The following TSNAXIP1 variants were observed in gnomAD, a reference collection of about 807,000 sequenced individuals.
TSNAXIP1 encodes translin associated factor X interacting protein 1.
A neutral mutation model predicts 84.8 loss-of-function variants in TSNAXIP1; 89 were observed. That is an observed-to-expected ratio of 1.05 (90% CI 0.88 to 1.25). The LOEUF is 1.25. Ranked by LOEUF, TSNAXIP1 falls within the 50% of genes most tolerant of loss-of-function variation. The pLI is 0.00. For synonymous variants in TSNAXIP1, 347 were observed against 335.2 expected (o/e 1.04, Z -0.39); for missense variants, 874 against 887.6 (o/e 0.98, Z 0.20).
chr16:67,827,802 G>A lies in TSNAXIP1; in HGVS notation c.1948G>A (p.Asp650Asn), dbSNP rs774463679. 2.0e-5 allele frequency: 33 copies of A among 1,613,962 alleles called. No homozygotes were observed. Among genetic ancestry groups the A allele is most frequent in the Admixed American group, 5.0e-5 (3 of 59,978 alleles). Residue 650 changes from aspartate to asparagine, a missense_variant, in exon 16 of 16, where the codon GAC becomes AAC. By Grantham distance (23) the Asp-to-Asn change is conservative. Coordinates refer to ENST00000561639, the MANE Select transcript of TSNAXIP1 (RefSeq NM_001288990.3). ...PKLRGGLMTI[D>N]PSLDKQTVNT... ...GCTGCGAGGGGGCCTGATGACCATC[G>A]ACCCCAGCCTGGACAAGCAGACAGT... is the stretch of plus-strand genomic sequence containing the variant.
chr16:67,827,126 G>A (rs1271226664), intron 13 of TSNAXIP1, 54 bp downstream of exon 13: 4 of 1,607,376 alleles, frequency 2.5e-6, no homozygotes, highest in Non-Finnish European at 3.4e-6. Flanking sequence ...TCCTGCATCT[G>A]TAGGGAAAAG....
chr16:67,810,594 G>C (rs1301419892), intron 1 of TSNAXIP1, among the ~76,000 whole-genome samples: 1 of 151,878 alleles, frequency 6.6e-6, no homozygotes, highest in African/African-American at 2.4e-5. Flanking sequence ...ACTCCTGCCT[G>C]GGCGACAGAG....
rs1031433539 is a variant in TSNAXIP1 at position 67,826,475 on chromosome 16, T to C, written c.1314T>C (p.Asp438=). The change falls in exon 11 of 16, where the codon GAT becomes GAC. Residue 438 remains aspartate, a synonymous_variant. Transcript: ENST00000561639. ...CCATCCCTGCTTTTCTTCGGTTTGA[T>C]GGCCTCGTGGAGAACAAGAAGCCAA... ...GEAIPAFLRF[D]GLVENKKPSK... 1 of 1,614,068 alleles carries C rather than the reference T, an allele frequency of 6.2e-7. No individual in the cohort carries two copies. Among genetic ancestry groups the C allele is most frequent in the Non-Finnish European group, 8.5e-7 (1 of 1,180,020 alleles).
intron 1 of TSNAXIP1, among the ~76,000 whole-genome samples, chr16:67,812,499 C>A (rs1209416953): frequency 6.6e-6 from 1 of 150,544 alleles, no homozygotes; most frequent in Admixed American, 6.6e-5. Context: ...AACTCTATCT[C>A]TACTAAAAAT....
In TSNAXIP1 at chr16:67,814,306, C is replaced by T. The variant is rs781755902; in HGVS notation, c.52C>T (p.Gln18Ter). 8.5e-6 allele frequency: 13 copies of T among 1,535,858 alleles called. No homozygotes were observed. The South Asian group carries it at 1.5e-4, about 18-fold the overall frequency. The change falls in exon 2 of 16, where the codon CAG becomes TAG. Residue 18 changes from glutamine (Q) to a stop codon, truncating the protein, a stop_gained. Coordinates refer to ENST00000561639, the MANE Select transcript of TSNAXIP1 (RefSeq NM_001288990.3). LOFTEE classifies it high-confidence loss of function. ...YHSFSSASRL[Q>*]PRPSGVTIDE... ...AGCTTTCCCTTCTCTGTGCAGATTA[C>T]AGCCACGGCCTTCAGGAGTGACCAT...
chr16:67,814,229 T>C, intron 1 of TSNAXIP1, 73 bp from the exon 2 acceptor site: 1 of 1,227,374 alleles, frequency 8.1e-7, no homozygotes, highest in East Asian at 2.5e-5. Context: ...GCCTTGTGGA[T>C]CTAGAAAGGA....
At position 67,826,058 on chromosome 16, in the gene TSNAXIP1, G is replaced by T; in HGVS notation, c.1126G>T (p.Asp376Tyr). ...CCAGCGCACTTCCACGCCGCGGCCT[G>T]ACTGGACCAAGTGCAAAGGTGAGGG... is the stretch of plus-strand genomic sequence containing the variant. ...EIQRTSTPRP[D>Y]WTKCKDVVAG... The change falls in exon 9 of 16, where the codon GAC (aspartate) becomes TAC (tyrosine). Residue 376 changes from aspartate to tyrosine, a missense_variant. Coordinates refer to ENST00000561639, the MANE Select transcript of TSNAXIP1 (RefSeq NM_001288990.3). 6.2e-7 allele frequency: 1 copy of T among 1,613,580 alleles called. No homozygotes were observed. The highest frequency in any genetic ancestry group is 1.1e-5 in the South Asian group (1 of 91,078).
In TSNAXIP1 at chr16:67,825,869, G is replaced by C. The variant is rs1289268094; in HGVS notation, c.984+33G>C. The C allele has an allele frequency of 5.0e-6, 8 of 1,614,064 alleles. No individual in the cohort carries two copies. The East Asian group carries it at 1.8e-4, about 36-fold the overall frequency. ...CAGGCAGGCAGGGCCAGGAGGGTAG[G>C]ACGGGGTCTCACAGGTGGGGGGCCA... is the stretch of plus-strand genomic sequence containing the variant. On this transcript the variant is annotated intron_variant, in intron 8 of 15. Coordinates refer to ENST00000561639, the MANE Select transcript of TSNAXIP1 (RefSeq NM_001288990.3).
rs746698956 is a variant in TSNAXIP1 at position 67,821,218 on chromosome 16, G to A, written c.380G>A (p.Arg127Lys). ...DLGTDSTQEL[R>K]LQPYREIFEF... ...GGCACAGATTCCACCCAGGAACTAA[G>A]GCTGCAGGTCAGAGCCACAGAAGAA... is the stretch of plus-strand genomic sequence containing the variant. Residue 127 changes from arginine (R) to lysine (K), a missense_variant, in exon 4 of 16, where the codon AGG becomes AAG. Transcript: ENST00000561639. 2.5e-6 allele frequency: 4 copies of A among 1,608,232 alleles called. No homozygotes were observed. The highest frequency in any genetic ancestry group is 2.2e-5 in the East Asian group (1 of 44,746).
Position 67,823,694 on chromosome 16 carries a change from CA to C in TSNAXIP1, c.458del (p.Lys153ArgfsTer21). 6.2e-7 allele frequency: 1 copy of C among 1,613,644 alleles called. No homozygotes were observed. Among genetic ancestry groups the C allele is most frequent in the Non-Finnish European group, 8.5e-7 (1 of 1,179,788 alleles). ...CGTACAAGCCATTACTATCCTCCAT[CA>C]AGAATGCGTATGAGGGGATGCTGGG... ...KTYKPLLSSI[K>X]NAYEGMLAHQ... is the part of the protein sequence containing the mutation. On this transcript the variant is annotated frameshift_variant, in exon 5 of 16. Transcript: ENST00000561639. LOFTEE classifies it high-confidence loss of function.
chr16:67,807,068 G>C lies in TSNAXIP1; in HGVS notation c.-82G>C. On this transcript the variant is annotated 5_prime_UTR_variant, in exon 1 of 16. Coordinates refer to ENST00000561639, the MANE Select transcript of TSNAXIP1 (RefSeq NM_001288990.3). ...GCCCCCGCCGCGGGGGGGCCTCTGG[G>C]GCCTGGTCGCCATGGCGACCGGCTG... 1 of 1,512,646 alleles carries C rather than the reference G, an allele frequency of 6.6e-7. No homozygotes were observed. Among genetic ancestry groups the C allele is most frequent in the Middle Eastern group, 2.3e-4 (1 of 4,286 alleles). The allele number at this position is 1,512,646 out of a possible 1,614,324, so 93.7% of individuals were successfully genotyped here.
intron 6 of TSNAXIP1, 53 bp downstream of exon 6, chr16:67,824,832 A>C: frequency 6.4e-7 from 1 of 1,565,948 alleles, no homozygotes; most frequent in Non-Finnish European, 8.7e-7. Context: ...TGCCAACTCC[A>C]CGACAAGGGT....
intron 2 of TSNAXIP1, among the ~76,000 whole-genome samples, chr16:67,818,286 A>C (rs1254410374): frequency 4.6e-5 from 7 of 152,144 alleles, no homozygotes; most frequent in African/African-American, 1.7e-4. Context: ...AGGCCAAAGA[A>C]GGAAGACTGC....
chr16:67,807,121 G>C lies in TSNAXIP1; in HGVS notation c.-29G>C, dbSNP rs2055506227. 6.5e-7 allele frequency: 1 copy of C among 1,533,676 alleles called. No individual in the cohort carries two copies. Among genetic ancestry groups the C allele is most frequent in the Admixed American group, 2.0e-5 (1 of 50,958 alleles). ...CGCTACCACAGCTTCCCAGGCCGCG[G>C]GTGCTGATTGCCCGCCTGCCCGTGG... On this transcript the variant is annotated 5_prime_UTR_variant, in exon 1 of 16. Transcript: ENST00000561639.
At chr16:67,814,045 T>C (rs1033262799) in intron 1 of TSNAXIP1, among the ~76,000 whole-genome samples, 2 of 152,200 alleles carry the variant, frequency 1.3e-5, no homozygotes, top group African/African-American at 4.8e-5. Flanking sequence ...TGGGGTTCTC[T>C]GGGTTCATGG....
rs754205570 is a variant in TSNAXIP1, at chr16:67,825,251, A to G, written c.793A>G (p.Met265Val). Residue 265 changes from methionine (M) to valine (V), a missense_variant, in exon 7 of 16, where the codon ATG (methionine) becomes GTG (valine). Transcript: ENST00000561639. ...LNELRYQRED[M>V]SLAQSPGIWG... is the part of the protein sequence containing the mutation. ...TGAGCTGCGGTACCAGCGGGAGGAC[A>G]TGTCATTAGCCCAGTCGCCAGGTAA... 1.2e-6 allele frequency: 2 copies of G among 1,614,134 alleles called. No individual in the cohort carries two copies. Among genetic ancestry groups the G allele is most frequent in the East Asian group, 2.2e-5 (1 of 44,882 alleles).
At chr16:67,823,792 AG>A in intron 5 of TSNAXIP1, 73 bp downstream of exon 5, 2 of 1,298,198 alleles carry the variant, frequency 1.5e-6, no homozygotes, top group Non-Finnish European at 2.2e-6. Context: ...CCGAGGCGGT[AG>A]ATCACTTGAG....
chr16:67,810,598 G>A (rs1378858032), intron 1 of TSNAXIP1, among the ~76,000 whole-genome samples: 6 of 151,946 alleles, frequency 3.9e-5, no homozygotes, highest in Admixed American at 6.6e-5. Flanking sequence ...CTGCCTGGGC[G>A]ACAGAGCCAG....
Position 67,807,033 on chromosome 16 carries a change from C to T in TSNAXIP1, c.-117C>T. ...CGCTAGGCTCGGGGGCGTGGCGCAT[C>T]CCTGACTCCGCCCCCGCCGCGGGGG... On this transcript the variant is annotated 5_prime_UTR_variant, in exon 1 of 16. Transcript: ENST00000561639. 1 of 1,462,942 alleles carries T rather than the reference C, an allele frequency of 6.8e-7. No homozygotes were observed. The highest frequency in any genetic ancestry group is 9.0e-7 in the Non-Finnish European group (1 of 1,107,340). 90.6% of individuals were successfully genotyped at this position (1,462,942 alleles called of 1,614,324 possible).
Sources: allele counts gnomAD v4.1 joint callset (sites outside exome capture counted in the v4.1 genomes callset), GRCh38; gene constraint gnomAD v4.1.1; transcripts MANE v1.5; gene names NCBI Gene and HGNC (gene_info 2026-07-23, HGNC 2026-07-21).